RBM5: variants seen among roughly 807,000 people sequenced by gnomAD.
The protein encoded by RBM5 is RNA-binding protein 5.
In RBM5, 15 loss-of-function variants were observed where a neutral mutation model predicts 124.6. The observed-to-expected ratio is 0.12, with a 90% CI of 0.08 to 0.19. RBM5 has a LOEUF of 0.19. Ranked by LOEUF, RBM5 falls within the 10% of genes least tolerant of loss-of-function variation. RBM5 has a pLI of 1.00. For missense variants in RBM5, 580 were observed against 1,026.5 expected, an observed-to-expected ratio of 0.57 and a Z score of 5.94; for synonymous variants, 337 against 361.2, an observed-to-expected ratio of 0.93 and a Z score of 0.76.
chr3:50,097,393 C>CA (rs35592964), intron 4 of RBM5, among the ~76,000 whole-genome samples: 4,106 of 113,972 alleles, frequency 0.036, 174 homozygotes, highest in African/African-American at 0.1. Flanking sequence ...AAGACTGTCT[C>CA]AAAAAAAAAA....
At position 50,114,171 on chromosome 3, in the gene RBM5, GT is replaced by G; in HGVS notation, c.1768-6del. ...ACTTGAGTCTCATGGCTTGTCCTCT[GT>G]TTCCCAGGGAGCCTTAGCTGAAAGG... On this transcript the variant is annotated splice_region_variant and splice_polypyrimidine_tract_variant and intron_variant, in intron 19 of 24. Coordinates refer to ENST00000347869, the MANE Select transcript of RBM5 (RefSeq NM_005778.4). 1 of 1,614,006 alleles carries G rather than the reference GT, an allele frequency of 6.2e-7. No individual in the cohort carries two copies. Among genetic ancestry groups the G allele is most frequent in the Non-Finnish European group, 8.5e-7 (1 of 1,179,974 alleles).
At position 50,117,382 on chromosome 3, in the gene RBM5, A is replaced by G. The variant is rs927967677; in HGVS notation, c.2322+3A>G. ...AAGGCATTACGGCTCCCATTGAGGT[A>G]AGCAGTGGGGTCAGGTCTTGATGTT... On this transcript the variant is annotated splice_donor_region_variant and intron_variant, in intron 24 of 24. Transcript: ENST00000347869. This position sits in a 1 kb window ranked among gnomAD's most constrained non-coding sequence, Gnocchi z 4.2. 5.0e-6 allele frequency: 8 copies of G among 1,613,592 alleles called. No homozygotes were observed. Among genetic ancestry groups the G allele is most frequent in the Middle Eastern group, 3.5e-4 (2 of 5,714 alleles).
rs145241894 is a variant in RBM5, at chr3:50,107,722, C to G, written c.1041+153C>G. Among the ~76,000 whole-genome samples the G allele has an allele frequency of 7.9e-3, 897 of 112,958 alleles. 14 individuals carry two copies. The highest frequency in any genetic ancestry group is 0.028 in the African/African-American group (852 of 30,500). The allele number at this position is 112,958 out of a possible 152,430, so 74.1% of individuals were successfully genotyped here. On this transcript the variant is annotated intron_variant, in intron 12 of 24. Transcript: ENST00000347869. ...TTTTTTTGAGACAGAGTATCACTCT[C>G]GTCACCCGGGCTGGAGTGCAATGGT...
chr3:50,096,016 A>G (rs1452975134), intron 4 of RBM5, among the ~76,000 whole-genome samples: 1 of 152,188 alleles, frequency 6.6e-6, no homozygotes, highest in African/African-American at 2.4e-5. Context: ...AATGTGACAA[A>G]TGTGAGACAG....
At chr3:50,111,295 T>C (rs1365645600) in intron 17 of RBM5, among the ~76,000 whole-genome samples, 1 of 152,262 alleles carries the variant, frequency 6.6e-6, no homozygotes, top group Non-Finnish European at 1.5e-5. Flanking sequence ...CTGTCACCAC[T>C]GTCTAATCTC....
chr3:50,113,572 T>G, intron 18 of RBM5, 28 bp downstream of exon 18: 1 of 1,592,150 alleles, frequency 6.3e-7, no homozygotes, highest in Non-Finnish European at 8.6e-7. Context: ...ATTTCTTTCA[T>G]TGAGGTATTG....
chr3:50,093,440 CAAA>C (rs575148089), intron 3 of RBM5, among the ~76,000 whole-genome samples: 7 of 88,542 alleles, frequency 7.9e-5, no homozygotes, highest in Admixed American at 2.5e-4. Flanking sequence ...GAAACTGTCT[CAAA>C]AAAAAAAAAA....
chr3:50,109,500 CAT>C (rs779550052), intron 14 of RBM5, 101 bp from the exon 15 acceptor site: 18 of 882,754 alleles, frequency 2.0e-5, no homozygotes, highest in Non-Finnish European at 3.0e-5. Context: ...GAAGAACTGA[CAT>C]ATACAATGAC....
intron 3 of RBM5, 124 bp from the exon 4 acceptor site, chr3:50,093,596 C>A: frequency 1.9e-6 from 2 of 1,070,320 alleles, no homozygotes; most frequent in Non-Finnish European, 1.3e-6. Flanking sequence ...TTGCAGTGAA[C>A]ATTACCATGG....
chr3:50,102,788 T>C (rs1300811528), intron 6 of RBM5: 1 of 360,056 alleles, frequency 2.8e-6, no homozygotes, highest in Admixed American at 4.8e-5. Context: ...AGCCTGTCAA[T>C]GCTGAATGTT....
rs1575928197 is a variant in RBM5, at chr3:50,090,462, A to G, written c.17+11A>G. On this transcript the variant is annotated intron_variant, in intron 2 of 24. Coordinates refer to ENST00000347869, the MANE Select transcript of RBM5 (RefSeq NM_005778.4). ...GGGTTCAGACAAAAGGTAAGTTACT[A>G]CAGTACGTGGCTTTGATCTCAACAT... 3 of 1,613,944 alleles carry G rather than the reference A, an allele frequency of 1.9e-6. No individual in the cohort carries two copies. The highest frequency in any genetic ancestry group is 1.3e-5 in the African/African-American group (1 of 75,060).
At chr3:50,107,087 G>C (rs551792462) in intron 11 of RBM5, 1 of 683,206 alleles carries the variant, frequency 1.5e-6, no homozygotes, top group East Asian at 2.8e-5. Flanking sequence ...TCAGGAGAAA[G>C]GCAAGTATGG....
chr3:50,093,568 T>A, intron 3 of RBM5, 152 bp from the exon 4 acceptor site: 1 of 744,016 alleles, frequency 1.3e-6, no homozygotes, highest in Non-Finnish European at 2.1e-6. Flanking sequence ...GTGAGACCCC[T>A]GTCTCAAAAA....
chr3:50,099,867 C>T (rs1175626376), intron 4 of RBM5, 115 bp from the exon 5 acceptor site: 2 of 841,716 alleles, frequency 2.4e-6, no homozygotes, highest in Non-Finnish European at 1.8e-6. Context: ...GACAGAGACT[C>T]CCATCTTAAA....
At chr3:50,102,850 G>A in intron 6 of RBM5, 1 of 503,718 alleles carries the variant, frequency 2.0e-6, no homozygotes. Flanking sequence ...AGCGTTTAGT[G>A]TTTGACAGCT....
At chr3:50,115,271 C>A in intron 20 of RBM5, 157 bp from the exon 21 acceptor site, 1 of 847,976 alleles carries the variant, frequency 1.2e-6, no homozygotes. Flanking sequence ...CCTGACTGCT[C>A]CACGCAGTTG....
chr3:50,112,040 CATTT>C (rs1013142384), intron 17 of RBM5: 5 of 149,838 alleles, frequency 3.3e-5, no homozygotes, highest in Admixed American at 3.3e-4. Context: ...GAAGCCTGGC[CATTT>C]ATTTCCCTGT....
intron 4 of RBM5, among the ~76,000 whole-genome samples, chr3:50,096,973 A>G (rs2090830502): frequency 6.6e-6 from 1 of 152,148 alleles, no homozygotes; most frequent in Admixed American, 6.6e-5. Flanking sequence ...TACTGAATCT[A>G]GATAAGGCCT....
At chr3:50,097,289 A>G (rs1369529920) in intron 4 of RBM5, among the ~76,000 whole-genome samples, 1 of 151,862 alleles carries the variant, frequency 6.6e-6, no homozygotes, top group African/African-American at 2.4e-5. Context: ...CCAGTTACTC[A>G]GGAGGCTGAG....
Sources: allele counts gnomAD v4.1 joint callset (sites outside exome capture counted in the v4.1 genomes callset), GRCh38; gene constraint gnomAD v4.1.1; non-coding constraint Gnocchi (gnomAD v3.1); transcripts MANE v1.5; gene names NCBI Gene and HGNC (gene_info 2026-07-23, HGNC 2026-07-21).